The following LRRC20 variants were observed in gnomAD, a reference collection of about 807,000 sequenced individuals.
The protein encoded by LRRC20 is leucine rich repeat containing 20.
LRRC20 carries 11 observed loss-of-function variants against 14.4 expected under a neutral mutation model. The ratio of observed to expected loss-of-function variants is 0.77; its 90% CI spans 0.48 to 1.27. The LOEUF is 1.27. Ranked by LOEUF, LRRC20 falls within the 50% of genes most tolerant of loss-of-function variation. The pLI, the probability that LRRC20 is intolerant of heterozygous loss-of-function variation, is 0.00. For synonymous variants in LRRC20, 121 were observed against 107.3 expected (o/e 1.13, Z -0.79); for missense variants, 219 against 251.2 (o/e 0.87, Z 0.87).
intron 2 of LRRC20, among the ~76,000 whole-genome samples, chr10:70,373,033 C>T (rs968081313): frequency 6.6e-6 from 1 of 152,036 alleles, no homozygotes; most frequent in African/African-American, 2.4e-5. Flanking sequence ...ATCACTTGAA[C>T]CCAGGAGAGG....
intron 2 of LRRC20, among the ~76,000 whole-genome samples, chr10:70,355,590 G>A (rs1342614280): frequency 6.6e-6 from 1 of 152,224 alleles, no homozygotes; most frequent in Non-Finnish European, 1.5e-5. Flanking sequence ...ACTTGAAAGT[G>A]CCAGTGGGTT....
In LRRC20 at chr10:70,300,283, C is replaced by T. The variant is rs959133652; in HGVS notation, c.*1071G>A. 2.3e-6 allele frequency: 2 copies of T among 869,142 alleles called. No individual in the cohort carries two copies. Among genetic ancestry groups the T allele is most frequent in the Non-Finnish European group, 2.8e-6 (2 of 724,082 alleles). The allele number at this position is 869,142 out of a possible 1,614,324, so 53.8% of individuals were successfully genotyped here. ...ACCATCCCCACTTGCTGGGTACTGT[C>T]CCAGTTTTAGCATTGAAAGTTCCAT... On this transcript the variant is annotated 3_prime_UTR_variant, in exon 5 of 5. Transcript: ENST00000446961.
intron 2 of LRRC20, among the ~76,000 whole-genome samples, chr10:70,344,587 G>C (rs1226270119): frequency 6.6e-6 from 1 of 152,144 alleles, no homozygotes; most frequent in African/African-American, 2.4e-5. Flanking sequence ...TGTTTATTGA[G>C]ACAGGGTCTC....
At chr10:70,324,606 G>A (rs2136952881) in intron 3 of LRRC20, among the ~76,000 whole-genome samples, 1 of 152,354 alleles carries the variant, frequency 6.6e-6, no homozygotes, top group African/African-American at 2.4e-5. Context: ...GGACCTGTGT[G>A]GGAAGGCAGC....
intron 2 of LRRC20, among the ~76,000 whole-genome samples, chr10:70,358,160 C>CACTT (rs1302793555): frequency 5.3e-5 from 8 of 152,214 alleles, no homozygotes; most frequent in Non-Finnish European, 8.8e-5. Flanking sequence ...TTGGGCAAGT[C>CACTT]ACTTATGGGG....
At chr10:70,356,947 A>G in intron 2 of LRRC20, among the ~76,000 whole-genome samples, 1 of 152,268 alleles carries the variant, frequency 6.6e-6, no homozygotes, top group East Asian at 1.9e-4. Context: ...AAGTGGAGAC[A>G]ATCCAAATGT....
At position 70,347,104 on chromosome 10, in the gene LRRC20, T is replaced by C. The variant is rs557873537; in HGVS notation, c.83-6402A>G. On this transcript the variant is annotated intron_variant, in intron 2 of 4. Transcript: ENST00000446961. ...TTTCACCATGCTGCCCAGGCTGGTC[T>C]TGAACTCCTGGCCTCAAGTGATCCA... Among the ~76,000 whole-genome samples, 5 of 152,282 alleles carry C rather than the reference T, an allele frequency of 3.3e-5. No homozygotes were observed. In the South Asian group the frequency reaches 8.3e-4, roughly 25 times the overall value.
chr10:70,379,200 A>G (rs1844616760), intron 1 of LRRC20, among the ~76,000 whole-genome samples: 1 of 152,226 alleles, frequency 6.6e-6, no homozygotes, highest in African/African-American at 2.4e-5. Context: ...TAATAGTGCC[A>G]GGTGGCCAAT....
At chr10:70,350,603 A>G (rs1160330884) in intron 2 of LRRC20, among the ~76,000 whole-genome samples, 2 of 152,044 alleles carry the variant, frequency 1.3e-5, no homozygotes, top group African/African-American at 4.8e-5. Flanking sequence ...TAGAACTTTG[A>G]CCCCTGCCAG....
At chr10:70,302,229 C>T (rs533853919) in intron 4 of LRRC20, among the ~76,000 whole-genome samples, 1 of 152,214 alleles carries the variant, frequency 6.6e-6, no homozygotes, top group Middle Eastern at 3.4e-3. Flanking sequence ...CAGAGAATTG[C>T]TTGAACCCAC....
chr10:70,347,314 C>A (rs1843110384), intron 2 of LRRC20, among the ~76,000 whole-genome samples: 1 of 152,104 alleles, frequency 6.6e-6, no homozygotes, highest in African/African-American at 2.4e-5. Flanking sequence ...TTTCAGGGAC[C>A]ACCACTCCCC....
chr10:70,307,821 C>T (rs1449551039), intron 4 of LRRC20, among the ~76,000 whole-genome samples: 2 of 152,264 alleles, frequency 1.3e-5, no homozygotes, highest in Admixed American at 6.5e-5. Flanking sequence ...TGGAGTCATA[C>T]TGCTCACCTT....
intron 4 of LRRC20, among the ~76,000 whole-genome samples, chr10:70,313,364 A>G (rs3829187): frequency 0.075 from 11,466 of 151,994 alleles, 703 homozygotes; most frequent in East Asian, 0.3. Context: ...GTCCCCTCTC[A>G]TGTGCCTGTG....
chr10:70,358,948 T>C (rs1016594060), intron 2 of LRRC20, among the ~76,000 whole-genome samples: 2 of 152,216 alleles, frequency 1.3e-5, no homozygotes, highest in African/African-American at 4.8e-5. Context: ...TCGGGAAGCT[T>C]GGTCTCAGCA....
rs964958578 is a variant in LRRC20, at chr10:70,382,561, T to G, written c.-76A>C. The G allele has an allele frequency of 1.3e-5, 2 of 152,024 alleles. No homozygotes were observed. Among genetic ancestry groups the G allele is most frequent in the Admixed American group, 1.3e-4 (2 of 15,272 alleles). 9.4% of individuals were successfully genotyped at this position (152,024 alleles called of 1,614,324 possible). On this transcript the variant is annotated 5_prime_UTR_variant, in exon 1 of 5. Coordinates refer to ENST00000446961, the MANE Select transcript of LRRC20 (RefSeq NM_001278212.2). ...TGGCTCCACTTACGGCGACAATGCCTCCTAGCGCCCTGCGCAGCGCAGTCA... is the reference window on the plus strand; with the variant it reads ...TGGCTCCACTTACGGCGACAATGCCGCCTAGCGCCCTGCGCAGCGCAGTCA...
chr10:70,378,784 A>G (rs1844603249), intron 1 of LRRC20, among the ~76,000 whole-genome samples: 1 of 151,150 alleles, frequency 6.6e-6, no homozygotes, highest in African/African-American at 2.4e-5. Context: ...AAAAAAAAAA[A>G]AAAAAAAAAA....
chr10:70,352,950 C>G (rs1455522191), intron 2 of LRRC20, among the ~76,000 whole-genome samples: 2 of 152,130 alleles, frequency 1.3e-5, no homozygotes, highest in Non-Finnish European at 2.9e-5. Flanking sequence ...ACATTATAAA[C>G]TTTTTTCCAG....
intron 4 of LRRC20, among the ~76,000 whole-genome samples, chr10:70,317,559 G>A (rs1403547443): frequency 6.6e-6 from 1 of 152,014 alleles, no homozygotes; most frequent in Admixed American, 6.5e-5. Flanking sequence ...AAAATTTTTT[G>A]TAGAGATGGG....
At chr10:70,336,245 T>C (rs1287558377) in intron 3 of LRRC20, among the ~76,000 whole-genome samples, 5 of 152,160 alleles carry the variant, frequency 3.3e-5, no homozygotes, top group Admixed American at 6.5e-5. Flanking sequence ...CTTGTGGGAA[T>C]CTGCTGGATT....
Sources: allele counts gnomAD v4.1 joint callset (sites outside exome capture counted in the v4.1 genomes callset), GRCh38; gene constraint gnomAD v4.1.1; transcripts MANE v1.5; gene names NCBI Gene and HGNC (gene_info 2026-07-23, HGNC 2026-07-21).